The following DTD1 variants were observed in gnomAD, a reference collection of about 807,000 sequenced individuals.
DTD1 encodes D-tyrosyl-tRNA deacylase 1 homolog.
Under a neutral mutation model 25.6 loss-of-function variants are expected in DTD1, and 13 were observed. That is an observed-to-expected ratio of 0.51 (90% CI 0.33 to 0.81). The LOEUF is 0.81. Among genes scored for constraint, DTD1 ranks in the 30% least tolerant of loss-of-function variants. DTD1 has a pLI of 0.02. For missense variants in DTD1, 193 were observed against 266.4 expected, an observed-to-expected ratio of 0.72 and a Z score of 1.92; for synonymous variants, 110 against 103.6, an observed-to-expected ratio of 1.06 and a Z score of -0.37.
chr20:18,696,209 C>T (rs1484615136), intron 4 of DTD1, among the ~76,000 whole-genome samples: 1 of 152,060 alleles, frequency 6.6e-6, no homozygotes, highest in Non-Finnish European at 1.5e-5. Flanking sequence ...GGAATGTGGG[C>T]CTCATATGTC....
At chr20:18,653,159 T>C (rs140188972) in intron 4 of DTD1, among the ~76,000 whole-genome samples, 2,676 of 152,314 alleles carry the variant, frequency 0.018, 88 homozygotes, top group African/African-American at 0.062. Context: ...TCCAGCACTT[T>C]GGGAAGCTGA....
intron 4 of DTD1, among the ~76,000 whole-genome samples, chr20:18,666,154 T>C (rs2122380800): frequency 6.6e-6 from 1 of 152,336 alleles, no homozygotes; most frequent in South Asian, 2.1e-4. Flanking sequence ...TAAGGAGGAC[T>C]GGCCATGTAC....
At chr20:18,721,454 T>C (rs1456738344) in intron 4 of DTD1, among the ~76,000 whole-genome samples, 1 of 152,276 alleles carries the variant, frequency 6.6e-6, no homozygotes, top group Non-Finnish European at 1.5e-5. Context: ...TTTAGTTTGT[T>C]AATACTTTGT....
At position 18,589,895 on chromosome 20, in the gene DTD1, T is replaced by A. The variant is rs1271545305; in HGVS notation, c.43+1780T>A. Among the ~76,000 whole-genome samples, 94 of 144,726 alleles carry A rather than the reference T, an allele frequency of 6.5e-4. 1 individual carries two copies. Among genetic ancestry groups the A allele is most frequent in the Non-Finnish European group, 1.5e-5 (1 of 65,264 alleles). The allele number at this position is 144,726 out of a possible 152,430, so 94.9% of individuals were successfully genotyped here. A position where few individuals can be genotyped will look rare whatever the true frequency, so the allele number is the denominator to read the frequency against. ...GTTAATTATGGGAAAGTGTAAATAATTCGGGAATTCTGGGTTGGGGAACTG... is the reference window on the plus strand; with the variant it reads ...GTTAATTATGGGAAAGTGTAAATAAATCGGGAATTCTGGGTTGGGGAACTG... On this transcript the variant is annotated intron_variant, in intron 1 of 5. Coordinates refer to ENST00000377452, the MANE Select transcript of DTD1 (RefSeq NM_080820.6).
chr20:18,702,233 C>T (rs989121395), intron 4 of DTD1, among the ~76,000 whole-genome samples: 1 of 152,206 alleles, frequency 6.6e-6, no homozygotes, highest in Non-Finnish European at 1.5e-5. Flanking sequence ...GGTTTCCATT[C>T]CAACATCCCT....
At chr20:18,664,527 G>A (rs1014598550) in intron 4 of DTD1, among the ~76,000 whole-genome samples, 2 of 152,184 alleles carry the variant, frequency 1.3e-5, no homozygotes, top group Non-Finnish European at 2.9e-5. Flanking sequence ...CAGGATTCAA[G>A]ATTCTGCGGT....
At chr20:18,704,680 T>A (rs1437906530) in intron 4 of DTD1, among the ~76,000 whole-genome samples, 2 of 152,156 alleles carry the variant, frequency 1.3e-5, no homozygotes, top group Non-Finnish European at 2.9e-5. Context: ...GAGGACATGC[T>A]ACCTACCAGC....
At chr20:18,592,151 G>A (rs1037575226) in intron 1 of DTD1, among the ~76,000 whole-genome samples, 22 of 152,286 alleles carry the variant, frequency 1.4e-4, no homozygotes, top group African/African-American at 5.1e-4. Flanking sequence ...TATATTTATA[G>A]CTATTACCCT....
rs191396987 is a variant in DTD1, at chr20:18,639,832, A to T, written c.477+11599A>T. 6.0e-4 allele frequency among the ~76,000 whole-genome samples: 91 copies of T among 152,142 alleles called. 1 individual carries two copies. The highest frequency in any genetic ancestry group is 1.0e-3 in the Non-Finnish European group (71 of 68,000). ...GTTTGTGGCCTTGTTTCCATTTTCCACTTCTCCTTTGCTAAGTCAGGAACA... is the reference window on the plus strand; with the variant it reads ...GTTTGTGGCCTTGTTTCCATTTTCCTCTTCTCCTTTGCTAAGTCAGGAACA... On this transcript the variant is annotated intron_variant, in intron 4 of 5. Coordinates refer to ENST00000377452, the MANE Select transcript of DTD1 (RefSeq NM_080820.6).
intron 5 of DTD1, among the ~76,000 whole-genome samples, chr20:18,745,827 G>A (rs943406740): frequency 6.6e-6 from 1 of 152,098 alleles, no homozygotes; most frequent in Non-Finnish European, 1.5e-5. Context: ...GGGGCGGGAG[G>A]GACCTCTGAA....
intron 1 of DTD1, among the ~76,000 whole-genome samples, chr20:18,592,150 A>G (rs114912982): frequency 0.022 from 3,379 of 152,304 alleles, 138 homozygotes; most frequent in African/African-American, 0.078. Context: ...TTATATTTAT[A>G]GCTATTACCC....
chr20:18,660,206 C>A (rs1568661194), intron 4 of DTD1, among the ~76,000 whole-genome samples: 1 of 150,760 alleles, frequency 6.6e-6, no homozygotes, highest in Non-Finnish European at 1.5e-5. Flanking sequence ...GACTCCGTCT[C>A]AAAAAAAAAG....
intron 3 of DTD1, among the ~76,000 whole-genome samples, chr20:18,616,789 AGAGT>A (rs2060710579): frequency 6.6e-6 from 1 of 152,208 alleles, no homozygotes; most frequent in African/African-American, 2.4e-5. Flanking sequence ...CCCGGGTGAT[AGAGT>A]AAGACCCTGT....
intron 4 of DTD1, among the ~76,000 whole-genome samples, chr20:18,707,845 AG>A (rs2061132676): frequency 1.3e-5 from 2 of 151,996 alleles, no homozygotes; most frequent in African/African-American, 4.8e-5. Context: ...AGAAGAGTAG[AG>A]GGGACTTGTC....
chr20:18,694,905 T>C (rs2061064399), intron 4 of DTD1, among the ~76,000 whole-genome samples: 1 of 151,222 alleles, frequency 6.6e-6, no homozygotes, highest in African/African-American at 2.4e-5. Flanking sequence ...CCCCCAAGAG[T>C]GGTTTCAGGT....
At chr20:18,737,832 C>T (rs1600397973) in intron 4 of DTD1, among the ~76,000 whole-genome samples, 1 of 152,224 alleles carries the variant, frequency 6.6e-6, no homozygotes, top group East Asian at 1.9e-4. Flanking sequence ...TGCTAAACCA[C>T]CAAGGAGCTG....
chr20:18,687,172 CA>C (rs571598167), intron 4 of DTD1, among the ~76,000 whole-genome samples: 3 of 152,148 alleles, frequency 2.0e-5, no homozygotes, highest in Non-Finnish European at 4.4e-5. Flanking sequence ...AGACCTATGC[CA>C]GGGGGCAATC....
intron 4 of DTD1, among the ~76,000 whole-genome samples, chr20:18,663,254 T>C (rs1272803574): frequency 7.2e-5 from 11 of 152,048 alleles, no homozygotes; most frequent in Non-Finnish European, 1.0e-4. Flanking sequence ...GTGTGGTGGC[T>C]CACATCTGTA....
At chr20:18,710,150 A>G (rs1246727522) in intron 4 of DTD1, among the ~76,000 whole-genome samples, 1 of 152,228 alleles carries the variant, frequency 6.6e-6, no homozygotes, top group Admixed American at 6.5e-5. Context: ...ACATGTGGTC[A>G]ACCCTAGTTA....
Sources: gnomAD v4.1 joint callset for allele counts (sites outside exome capture counted in the v4.1 genomes callset) on GRCh38, gnomAD v4.1.1 for gene constraint, MANE v1.5 for transcripts, NCBI Gene and HGNC (gene_info 2026-07-23, HGNC 2026-07-21) for gene names.